PTPRD: variants seen among roughly 807,000 people sequenced by gnomAD.
The protein encoded by PTPRD is protein tyrosine phosphatase receptor type D.
Under a neutral mutation model 214.5 loss-of-function variants are expected in PTPRD, and 34 were observed. That is an observed-to-expected ratio of 0.16 (90% confidence interval 0.12 to 0.21). The LOEUF (loss-of-function observed/expected upper bound fraction) is 0.21. Ranked by LOEUF, PTPRD falls within the 10% of genes least tolerant of loss-of-function variation. The probability of loss-of-function intolerance (pLI) is 1.00; values close to 1 mark genes in which losing one functional copy is unlikely to be tolerated. For missense variants in PTPRD, 2,545 were observed against 2,398.7 expected (o/e 1.06, Z -1.27); for synonymous variants, 1,128 against 845.7 (o/e 1.33, Z -5.79).
At position 8,764,566 on chromosome 9, in the gene PTPRD, G is replaced by A. The variant is rs117579910; in HGVS notation, c.-103-30620C>T. Among the ~76,000 whole-genome samples, 150 of 152,166 alleles carry A rather than the reference G, an allele frequency of 9.9e-4. 3 individuals are homozygous for A. The East Asian group carries it at 0.024, about 25-fold the overall frequency. On this transcript the variant is annotated intron_variant, in intron 11 of 45. Coordinates refer to ENST00000381196, the MANE Select transcript of PTPRD (RefSeq NM_002839.4). ...CAATCCCAGCACTTAGGAAGGCCAA[G>A]GTGGGTGGATCACAAGGTCAGGAGT... is the stretch of plus-strand genomic sequence containing the variant.
At chr9:9,929,687 T>C (rs2153911587) in intron 5 of PTPRD, among the ~76,000 whole-genome samples, 1 of 152,282 alleles carries the variant, frequency 6.6e-6, no homozygotes, top group Non-Finnish European at 1.5e-5. Context: ...CCACAGCGCC[T>C]GGCCAAGAAA....
chr9:9,767,738 C>T (rs955467977), intron 5 of PTPRD, among the ~76,000 whole-genome samples: 2 of 151,954 alleles, frequency 1.3e-5, no homozygotes, highest in South Asian at 2.1e-4. Context: ...AAATTTTTTG[C>T]TATGAATGAA....
chr9:9,765,907 C>T (rs2098703277), intron 6 of PTPRD, among the ~76,000 whole-genome samples: 1 of 152,178 alleles, frequency 6.6e-6, no homozygotes, highest in African/African-American at 2.4e-5. Context: ...CGTGATCCGC[C>T]CGCCTCAGCC....
At chr9:9,442,616 T>C (rs1230209712) in intron 8 of PTPRD, among the ~76,000 whole-genome samples, 1 of 152,184 alleles carries the variant, frequency 6.6e-6, no homozygotes, top group Non-Finnish European at 1.5e-5. Flanking sequence ...AAATAGCTGA[T>C]GGATTGTTAT....
chr9:9,302,798 T>C (rs1014950292), intron 9 of PTPRD, among the ~76,000 whole-genome samples: 8 of 151,816 alleles, frequency 5.3e-5, no homozygotes, highest in East Asian at 1.9e-4. Context: ...TTAACTCCTA[T>C]GTATGCTCCT....
chr9:9,837,463 A>C (rs2057100305), intron 5 of PTPRD, among the ~76,000 whole-genome samples: 1 of 152,128 alleles, frequency 6.6e-6, no homozygotes, highest in Non-Finnish European at 1.5e-5. Context: ...CCATTGTATT[A>C]ATCTTGATGG....
intron 9 of PTPRD, among the ~76,000 whole-genome samples, chr9:9,341,828 G>C (rs2046917796): frequency 6.6e-6 from 1 of 151,840 alleles, no homozygotes. Context: ...TATTTTCCAA[G>C]ACAGGGCCTC....
intron 2 of PTPRD, among the ~76,000 whole-genome samples, chr9:10,383,484 G>A (rs540911725): frequency 1.3e-5 from 2 of 151,750 alleles, no homozygotes; most frequent in Non-Finnish European, 2.9e-5. Context: ...TGGTTGATAA[G>A]GCTTATGTTT....
At chr9:9,125,978 G>T (rs1004135459) in intron 10 of PTPRD, among the ~76,000 whole-genome samples, 1 of 152,148 alleles carries the variant, frequency 6.6e-6, no homozygotes, top group African/African-American at 2.4e-5. Flanking sequence ...GTGTTAAGAT[G>T]AGTAAGAGCT....
chr9:9,493,363 C>T (rs1589806852), intron 8 of PTPRD, among the ~76,000 whole-genome samples: 1 of 152,282 alleles, frequency 6.6e-6, no homozygotes, highest in East Asian at 1.9e-4. Flanking sequence ...TCACCAGGAA[C>T]AGAGTCTACT....
rs975652486 is a variant in PTPRD, at chr9:10,612,949, T to A, written c.-969A>T. Among the ~76,000 whole-genome samples the A allele has an allele frequency of 6.6e-6, 1 of 150,824 alleles. No individual in the cohort carries two copies. Among genetic ancestry groups the A allele is most frequent in the Non-Finnish European group, 1.5e-5 (1 of 67,670 alleles). ...CTGGGCGGGGAGCCGAGGCGGCCGC[T>A]CCCGCACTCGCTCGCTCGCTCGCTG... On this transcript the variant is annotated 5_prime_UTR_variant, in exon 1 of 46. Transcript: ENST00000381196.
chr9:10,260,401 G>A (rs551210148), intron 3 of PTPRD, among the ~76,000 whole-genome samples: 1 of 152,238 alleles, frequency 6.6e-6, no homozygotes, highest in Admixed American at 6.5e-5. Flanking sequence ...GTGTACTCCA[G>A]GTCTCAGTTT....
intron 5 of PTPRD, among the ~76,000 whole-genome samples, chr9:9,916,145 A>G (rs1462880581): frequency 6.6e-6 from 1 of 151,956 alleles, no homozygotes; most frequent in Non-Finnish European, 1.5e-5. Context: ...TCTTTCAAAA[A>G]TGGAGGACGA....
chr9:10,039,287 A>C (rs2097252819), intron 3 of PTPRD, among the ~76,000 whole-genome samples: 1 of 152,112 alleles, frequency 6.6e-6, no homozygotes, highest in Admixed American at 6.6e-5. Flanking sequence ...AATACAAAGA[A>C]AGACCATAAT....
intron 10 of PTPRD, among the ~76,000 whole-genome samples, chr9:9,067,934 CA>C (rs2099737495): frequency 6.6e-6 from 1 of 152,152 alleles, no homozygotes; most frequent in Admixed American, 6.6e-5. Flanking sequence ...TCCATTACCT[CA>C]AGTGTCCCTC....
At position 9,899,976 on chromosome 9, in the gene PTPRD, G is replaced by GTT. The variant is rs963139686; in HGVS notation, c.-368+38530_-368+38531insAA. Among the ~76,000 whole-genome samples, 7 of 149,954 alleles carry GTT rather than the reference G, an allele frequency of 4.7e-5. No homozygotes were observed. In the South Asian group the frequency reaches 6.2e-4, roughly 13 times the overall value. ...CATGACAAACCTGAAAAAAGTAGAA[G>GTT]TAATAGAAGCAGAAAGTAGAATAAT... On this transcript the variant is annotated intron_variant, in intron 5 of 45. Coordinates refer to ENST00000381196, the MANE Select transcript of PTPRD (RefSeq NM_002839.4).
At chr9:8,708,679 CAA>C (rs765081509) in intron 12 of PTPRD, among the ~76,000 whole-genome samples, 55 of 39,406 alleles carry the variant, frequency 1.4e-3, no homozygotes, top group African/African-American at 5.2e-3. Context: ...GACTCTGTCT[CAA>C]AAAAAAAAAA....
At chr9:8,339,171 C>T (rs946960899) in intron 42 of PTPRD, 124 bp from the exon 43 acceptor site, 1 of 988,252 alleles carries the variant, frequency 1.0e-6, no homozygotes, top group Non-Finnish European at 1.4e-6. Flanking sequence ...AAATTCAAGG[C>T]AATTCCAATT....
chr9:8,628,768 T>G (rs1207243749), intron 14 of PTPRD, among the ~76,000 whole-genome samples: 1 of 151,908 alleles, frequency 6.6e-6, no homozygotes, highest in East Asian at 1.9e-4. Context: ...TGGTGATCAT[T>G]CACAAATAAT....
Sources: gnomAD v4.1 joint callset for allele counts (sites outside exome capture counted in the v4.1 genomes callset) on GRCh38, gnomAD v4.1.1 for gene constraint, MANE v1.5 for transcripts, NCBI Gene and HGNC (gene_info 2026-07-23, HGNC 2026-07-21) for gene names.